ADAMTSL2: variants seen among roughly 807,000 people sequenced by gnomAD.
ADAMTSL2 encodes ADAMTS like 2.
A neutral mutation model predicts 117.0 loss-of-function variants in ADAMTSL2; 55 were observed. The observed-to-expected ratio is 0.47, with a 90% CI of 0.38 to 0.59. The LOEUF (loss-of-function observed/expected upper bound fraction) is 0.59. Among genes scored for constraint, ADAMTSL2 ranks in the 20% least tolerant of loss-of-function variants. The pLI, the probability that ADAMTSL2 is intolerant of heterozygous loss-of-function variation, is 0.00. For synonymous variants in ADAMTSL2, 572 were observed against 566.4 expected (o/e 1.01, Z -0.14); for missense variants, 1,182 against 1,354.5 (o/e 0.87, Z 2.00).
intron 12 of ADAMTSL2, 40 bp downstream of exon 12, chr9:133,561,335 A>C: frequency 6.5e-7 from 1 of 1,527,868 alleles, no homozygotes; most frequent in Non-Finnish European, 8.9e-7. Flanking sequence ...ACTGCCCTGA[A>C]CCCATTTCCA....
intron 17 of ADAMTSL2, among the ~76,000 whole-genome samples, chr9:133,571,970 G>C (rs1012021399): frequency 2.6e-5 from 4 of 152,222 alleles, no homozygotes; most frequent in East Asian, 3.8e-4. Flanking sequence ...GCGCCCGAGG[G>C]CTCCAAGTCT....
At position 133,549,225 on chromosome 9, in the gene ADAMTSL2, C is replaced by T. The variant is rs1400318013; in HGVS notation, c.939+2012C>T. On this transcript the variant is annotated intron_variant, in intron 9 of 18. Coordinates refer to ENST00000651351, the MANE Select transcript of ADAMTSL2 (RefSeq NM_014694.4). Reference sequence around the variant, plus strand: ...TTCACCGTTTTAGCCGGGATGGTCTCGATCTCCTGACCTCGTGATCCGCCC... The same window carrying T: ...TTCACCGTTTTAGCCGGGATGGTCTTGATCTCCTGACCTCGTGATCCGCCC... Among the ~76,000 whole-genome samples the T allele has an allele frequency of 4.6e-4, 3 of 6,518 alleles. 1 individual carries two copies. The highest frequency in any genetic ancestry group is 3.4e-3 in the Non-Finnish European group (3 of 872). 4.3% of individuals were successfully genotyped at this position (6,518 alleles called of 152,430 possible).
intron 4 of ADAMTSL2, among the ~76,000 whole-genome samples, 187 bp from the exon 5 acceptor site, chr9:133,539,584 G>T (rs1830146829): frequency 1.1e-5 from 1 of 91,310 alleles, no homozygotes; most frequent in South Asian, 4.4e-4. Context: ...CTGCGTCCTT[G>T]CTCCCTCCTG....
chr9:133,534,424 G>A (rs1829998931), upstream of ADAMTSL2: 1 of 279,820 alleles, frequency 3.6e-6, no homozygotes, highest in East Asian at 6.3e-5. Flanking sequence ...AGCCTCCCCG[G>A]TAACCTCAGG....
Position 133,558,606 on chromosome 9 carries a change from T to C in ADAMTSL2, c.1650-2592T>C, listed in dbSNP as rs1479983587. ...CGGTGGCTTCAGAGCTTCTCCTGCCTGGGGAGCCCGTGAGCCTGTGTCTGG... is the reference window on the plus strand; with the variant it reads ...CGGTGGCTTCAGAGCTTCTCCTGCCCGGGGAGCCCGTGAGCCTGTGTCTGG... On this transcript the variant is annotated intron_variant, in intron 11 of 18. Coordinates refer to ENST00000651351, the MANE Select transcript of ADAMTSL2 (RefSeq NM_014694.4). The surrounding 1 kb of genome is among the most constrained non-coding windows in gnomAD (Gnocchi z 4.3). 6.6e-6 allele frequency among the ~76,000 whole-genome samples: 1 copy of C among 152,132 alleles called. No individual in the cohort carries two copies. The highest frequency in any genetic ancestry group is 1.5e-5 in the Non-Finnish European group (1 of 68,020).
rs1388558240 is a variant in ADAMTSL2 at position 133,560,469 on chromosome 9, AT to A, written c.1650-727del. 2.6e-3 allele frequency among the ~76,000 whole-genome samples: 402 copies of A among 152,276 alleles called. 4 individuals carry two copies. The highest frequency in any genetic ancestry group is 9.0e-3 in the African/African-American group (376 of 41,566). On this transcript the variant is annotated intron_variant, in intron 11 of 18. Transcript: ENST00000651351. ...TGCCGAGTCCAGAATGAGCCTGCAC[AT>A]TGGATGTGGAGGTTGGGCCCAGGCA...
intron 11 of ADAMTSL2, 40 bp from the exon 12 acceptor site, chr9:133,561,158 G>A (rs1588298867): frequency 6.5e-7 from 1 of 1,539,956 alleles, no homozygotes; most frequent in Admixed American, 1.9e-5. Flanking sequence ...GGTGGGGCCT[G>A]GAGCGTCTCA....
At chr9:133,538,153 T>C (rs1487574200) in intron 3 of ADAMTSL2, among the ~76,000 whole-genome samples, 196 bp from the exon 4 acceptor site, 1 of 152,278 alleles carries the variant, frequency 6.6e-6, no homozygotes, top group African/African-American at 2.4e-5. Context: ...TATGTGCTGC[T>C]GATGTAGAAG....
chr9:133,574,525 C>G (rs1831183062), intron 18 of ADAMTSL2, among the ~76,000 whole-genome samples: 1 of 152,112 alleles, frequency 6.6e-6, no homozygotes, highest in African/African-American at 2.4e-5. Context: ...AGGCATCACT[C>G]CTCTTGGGAC....
chr9:133,536,553 T>G lies in ADAMTSL2; in HGVS notation c.-150-10T>G, dbSNP rs1830056524. 1 of 1,556,422 alleles carries G rather than the reference T, an allele frequency of 6.4e-7. No homozygotes were observed. The highest frequency in any genetic ancestry group is 1.4e-5 in the African/African-American group (1 of 73,746). On this transcript the variant is annotated splice_polypyrimidine_tract_variant and intron_variant, in intron 1 of 18. Transcript: ENST00000651351. ...CTAGACTGAGGCGGGGGGTTCATCC[T>G]TCCCAACAGGGTCTGCCAGACAACC...
At position 133,539,762 on chromosome 9, in the gene ADAMTSL2, G is replaced by C. The variant is rs147342065; in HGVS notation, c.310-9G>C. Reference sequence around the variant, plus strand: ...CCTCCCGGAGCCTCCCTGTCCCTTCGCTTCCCAGGAGTGTCCGCCGGACGG... The same window carrying C: ...CCTCCCGGAGCCTCCCTGTCCCTTCCCTTCCCAGGAGTGTCCGCCGGACGG... On this transcript the variant is annotated splice_polypyrimidine_tract_variant and intron_variant, in intron 4 of 18. Coordinates refer to ENST00000651351, the MANE Select transcript of ADAMTSL2 (RefSeq NM_014694.4). The C allele has an allele frequency of 3.6e-6, 5 of 1,404,962 alleles. No homozygotes were observed. In the African/African-American group the frequency reaches 8.7e-5, roughly 24 times the overall value. 87.0% of individuals were successfully genotyped at this position (1,404,962 alleles called of 1,614,324 possible).
chr9:133,541,522 C>T (rs868424763), intron 7 of ADAMTSL2, among the ~76,000 whole-genome samples: 4 of 152,156 alleles, frequency 2.6e-5, no homozygotes, highest in Middle Eastern at 3.2e-3. Flanking sequence ...CTCCTGACCT[C>T]GAGCGATCCA....
At position 133,540,704 on chromosome 9, in the gene ADAMTSL2, C is replaced by A; in HGVS notation, c.519C>A (p.Leu173=). The A allele has an allele frequency of 6.2e-7, 1 of 1,613,924 alleles. No individual in the cohort carries two copies. The highest frequency in any genetic ancestry group is 8.5e-7 in the Non-Finnish European group (1 of 1,180,052). Residue 173 remains leucine, a synonymous_variant, in exon 6 of 19, where the codon CTC becomes CTA. Coordinates refer to ENST00000651351, the MANE Select transcript of ADAMTSL2 (RefSeq NM_014694.4). ...VPARDGTSCK[L]TDLRGVCVSG... ...CCCGCGACGGCACATCCTGCAAGCT[C>A]ACTGACCTGCGAGGGGTTTGCGTGT...
At chr9:133,541,574 C>T (rs1418460243) in intron 7 of ADAMTSL2, among the ~76,000 whole-genome samples, 1 of 152,218 alleles carries the variant, frequency 6.6e-6, no homozygotes, top group Non-Finnish European at 1.5e-5. Flanking sequence ...TAGGCATGAG[C>T]CACCATACCT....
intron 10 of ADAMTSL2, among the ~76,000 whole-genome samples, chr9:133,555,262 A>G (rs1364380086): frequency 1.5e-5 from 2 of 136,634 alleles, no homozygotes; most frequent in African/African-American, 5.5e-5. Context: ...CAATGACCCT[A>G]TTTCCAAAGA....
intron 4 of ADAMTSL2, among the ~76,000 whole-genome samples, chr9:133,539,531 A>G (rs1259576900): frequency 4.6e-5 from 7 of 152,138 alleles, no homozygotes; most frequent in Non-Finnish European, 8.8e-5. Context: ...GGTTGTGTCT[A>G]GAGTAGGCGG....
intron 1 of ADAMTSL2, among the ~76,000 whole-genome samples, chr9:133,535,853 G>T (rs1442088986): frequency 6.6e-6 from 1 of 152,188 alleles, no homozygotes; most frequent in East Asian, 1.9e-4. Context: ...CGCTGAGGAG[G>T]GGGTGGGGAG....
chr9:133,553,137 C>T (rs200394972), intron 9 of ADAMTSL2, among the ~76,000 whole-genome samples: 3,256 of 152,230 alleles, frequency 0.021, 95 homozygotes, highest in East Asian at 0.062. Flanking sequence ...GCAGGGGTGG[C>T]GCTGGCTTTA....
intron 8 of ADAMTSL2, 98 bp downstream of exon 8, chr9:133,544,648 C>T (rs368721736): frequency 9.5e-7 from 1 of 1,052,190 alleles, no homozygotes. Context: ...CCCCTTCCTC[C>T]AGGACAGGGA....
Sources: allele counts gnomAD v4.1 joint callset (sites outside exome capture counted in the v4.1 genomes callset), GRCh38; gene constraint gnomAD v4.1.1; non-coding constraint Gnocchi (gnomAD v3.1); transcripts MANE v1.5; gene names NCBI Gene and HGNC (gene_info 2026-07-23, HGNC 2026-07-21).